PALLD: variants seen among roughly 807,000 people sequenced by gnomAD.
PALLD encodes palladin.
In PALLD, 61 loss-of-function variants were observed where a neutral mutation model predicts 123.5. That is an observed-to-expected ratio of 0.49 (90% CI 0.40 to 0.61). The LOEUF (loss-of-function observed/expected upper bound fraction) is 0.61. Among genes scored for constraint, PALLD ranks in the 20% least tolerant of loss-of-function variants. The probability of loss-of-function intolerance (pLI) is 0.00; values close to 1 mark genes in which losing one functional copy is unlikely to be tolerated. For synonymous variants in PALLD, 465 were observed against 496.4 expected, an observed-to-expected ratio of 0.94 and a Z score of 0.84; for missense variants, 1,273 against 1,377.0, an observed-to-expected ratio of 0.92 and a Z score of 1.20.
rs766214653 is a variant in PALLD at position 168,711,907 on chromosome 4, C to T, written c.1948C>T (p.Leu650Phe). Residue 650 changes from leucine to phenylalanine, a missense_variant, in exon 10 of 22, where the codon CTT (leucine) becomes TTT (phenylalanine). Transcript: ENST00000505667. ...LSPTKEPPPL[L>F]AKPKLGFPKK... ...ACCCACTAAGGAGCCACCACCTCTG[C>T]TTGCCAAACCAAAACTGTGAGTATT... 2 of 1,613,388 alleles carry T rather than the reference C, an allele frequency of 1.2e-6. No individual in the cohort carries two copies. Among genetic ancestry groups the T allele is most frequent in the South Asian group, 2.2e-5 (2 of 91,052 alleles).
At chr4:168,593,057 G>A (rs1254811886) in intron 2 of PALLD, among the ~76,000 whole-genome samples, 1 of 151,606 alleles carries the variant, frequency 6.6e-6, no homozygotes, top group African/African-American at 2.4e-5. Context: ...ATTACTATAA[G>A]AGACTTCATA....
intron 2 of PALLD, among the ~76,000 whole-genome samples, chr4:168,642,055 G>A (rs1268032911): frequency 6.6e-6 from 1 of 152,186 alleles, no homozygotes; most frequent in African/African-American, 2.4e-5. Context: ...GCACAGCCAG[G>A]ATGGTTTCAC....
At chr4:168,772,331 T>C (rs1734569030) in intron 10 of PALLD, among the ~76,000 whole-genome samples, 1 of 152,190 alleles carries the variant, frequency 6.6e-6, no homozygotes, top group Non-Finnish European at 1.5e-5. Flanking sequence ...TTTCACCCTT[T>C]CAATGTTCAT....
At chr4:168,822,004 C>T (rs939615503) in intron 10 of PALLD, among the ~76,000 whole-genome samples, 5 of 151,802 alleles carry the variant, frequency 3.3e-5, no homozygotes, top group African/African-American at 4.8e-5. Context: ...AAGTTCTGTG[C>T]CAGGCCATGG....
chr4:168,619,981 A>G (rs1208216657), intron 2 of PALLD, among the ~76,000 whole-genome samples: 1 of 152,056 alleles, frequency 6.6e-6, no homozygotes, highest in Non-Finnish European at 1.5e-5. Context: ...TGGTCCACAC[A>G]TTTTCCTGAC....
intron 10 of PALLD, among the ~76,000 whole-genome samples, chr4:168,883,932 T>A (rs1200347056): frequency 7.5e-6 from 1 of 133,762 alleles, no homozygotes; most frequent in Non-Finnish European, 1.6e-5. Context: ...TATTTTTTTT[T>A]AATTGTGCAA....
intron 2 of PALLD, among the ~76,000 whole-genome samples, chr4:168,516,478 G>A (rs1221966345): frequency 6.6e-6 from 1 of 151,748 alleles, no homozygotes; most frequent in Non-Finnish European, 1.5e-5. Flanking sequence ...TATTTTTAAA[G>A]GTATTATTTA....
chr4:168,720,627 A>C (rs897264810), intron 10 of PALLD, among the ~76,000 whole-genome samples: 2 of 152,220 alleles, frequency 1.3e-5, no homozygotes, highest in African/African-American at 4.8e-5. Context: ...CTCTTCATAA[A>C]TACAATGTGA....
At chr4:168,600,136 T>TATATACATACATGTGTATACACACAC (rs1561291637) in intron 2 of PALLD, among the ~76,000 whole-genome samples, 1 of 149,350 alleles carries the variant, frequency 6.7e-6, no homozygotes, top group Admixed American at 6.6e-5. Context: ...TATACACACA[T>TATATACATACATGTGTATACACACAC]ATATACATAT....
At chr4:168,504,793 T>A (rs1326069442) in intron 1 of PALLD, 1 of 152,222 alleles carries the variant, frequency 6.6e-6, no homozygotes, top group East Asian at 1.9e-4. Flanking sequence ...CAAAGAATCC[T>A]TTATTCTTCA....
At chr4:168,655,868 A>G (rs1389005797) in intron 2 of PALLD, among the ~76,000 whole-genome samples, 1 of 152,240 alleles carries the variant, frequency 6.6e-6, no homozygotes, top group Non-Finnish European at 1.5e-5. Context: ...TGTTAAATGC[A>G]AAGAACTAAC....
intron 3 of PALLD, among the ~76,000 whole-genome samples, chr4:168,676,238 C>T (rs1780819811): frequency 6.6e-6 from 1 of 151,888 alleles, no homozygotes; most frequent in East Asian, 1.9e-4. Context: ...ATTAAACGTT[C>T]TTTAAAACCA....
At chr4:168,626,567 CG>C (rs1289647444) in intron 2 of PALLD, among the ~76,000 whole-genome samples, 1 of 151,758 alleles carries the variant, frequency 6.6e-6, no homozygotes, top group Non-Finnish European at 1.5e-5. Flanking sequence ...AAAACTTAGC[CG>C]GGTATGGTGG....
At chr4:168,673,131 G>A (rs1780458743) in intron 3 of PALLD, among the ~76,000 whole-genome samples, 1 of 152,198 alleles carries the variant, frequency 6.6e-6, no homozygotes, top group Non-Finnish European at 1.5e-5. Flanking sequence ...CTGTAAGGGA[G>A]GCCGTGGTTC....
intron 10 of PALLD, among the ~76,000 whole-genome samples, chr4:168,828,340 T>TA (rs1743711215): frequency 6.6e-6 from 1 of 152,248 alleles, no homozygotes; most frequent in Non-Finnish European, 1.5e-5. Flanking sequence ...ATTCTTAAGT[T>TA]AGAAAAGCGT....
At chr4:168,842,961 G>A (rs1427111205) in intron 10 of PALLD, among the ~76,000 whole-genome samples, 3 of 152,242 alleles carry the variant, frequency 2.0e-5, no homozygotes, top group South Asian at 2.1e-4. Context: ...CCAAGTGCTC[G>A]TTACCCAAAA....
chr4:168,876,448 C>T (rs1751763737), intron 10 of PALLD, among the ~76,000 whole-genome samples: 1 of 152,178 alleles, frequency 6.6e-6, no homozygotes, highest in Admixed American at 6.5e-5. Flanking sequence ...GTATTTGATG[C>T]TCTGTACATA....
At chr4:168,832,263 C>A (rs1461092724) in intron 10 of PALLD, 2 of 866,132 alleles carry the variant, frequency 2.3e-6, no homozygotes, top group East Asian at 2.4e-4. Context: ...GTCGGGAGTG[C>A]AGGGCTCGGG....
chr4:168,785,844 GAGATATAT>G (rs1279956252), intron 10 of PALLD, among the ~76,000 whole-genome samples: 3 of 53,216 alleles, frequency 5.6e-5, no homozygotes, highest in South Asian at 6.3e-4. Flanking sequence ...ATAAACTGTA[GAGATATAT>G]ATATATATAT....
Sources: gnomAD v4.1 joint callset for allele counts (sites outside exome capture counted in the v4.1 genomes callset) on GRCh38, gnomAD v4.1.1 for gene constraint, MANE v1.5 for transcripts, NCBI Gene and HGNC (gene_info 2026-07-23, HGNC 2026-07-21) for gene names.